The following SCNN1B variants were observed in gnomAD, a reference collection of about 807,000 sequenced individuals.
SCNN1B encodes the protein sodium channel epithelial 1 subunit beta.
A neutral mutation model predicts 65.3 loss-of-function variants in SCNN1B; 46 were observed. That is an observed-to-expected ratio of 0.70 (90% CI 0.56 to 0.90). The LOEUF is 0.90. Among genes scored for constraint, SCNN1B ranks in the 40% least tolerant of loss-of-function variants. The pLI, the probability that SCNN1B is intolerant of heterozygous loss-of-function variation, is 0.00. For missense variants in SCNN1B, 751 were observed against 830.5 expected (o/e 0.90, Z 1.18); for synonymous variants, 349 against 330.6 (o/e 1.06, Z -0.60).
chr16:23,365,577 A>AAG (rs1403211879), intron 4 of SCNN1B, among the ~76,000 whole-genome samples: 1 of 85,910 alleles, frequency 1.2e-5, no homozygotes, highest in Admixed American at 1.1e-4. Flanking sequence ...GAAAGAAAGA[A>AAG]AGAAAGAAAG....
Position 23,361,953 on chromosome 16 carries a change from T to C in SCNN1B, c.777-5903T>C, listed in dbSNP as rs1962562076. Among the ~76,000 whole-genome samples, 5 of 152,220 alleles carry C rather than the reference T, an allele frequency of 3.3e-5. No homozygotes were observed. The South Asian group carries it at 1.0e-3, about 32-fold the overall frequency. On this transcript the variant is annotated intron_variant, in intron 4 of 12. Transcript: ENST00000343070. ...GGTCTCAAACTCCTGGCTCAAGCAATCTTCCCACTTCAGCCCCCTAAAGTG... is the reference window on the plus strand; with the variant it reads ...GGTCTCAAACTCCTGGCTCAAGCAACCTTCCCACTTCAGCCCCCTAAAGTG...
intron 3 of SCNN1B, among the ~76,000 whole-genome samples, chr16:23,354,449 G>C (rs533645999): frequency 6.6e-6 from 1 of 152,238 alleles, no homozygotes; most frequent in Non-Finnish European, 1.5e-5. Context: ...CAGCAGCCTC[G>C]TGGCCAAGGC....
In SCNN1B at chr16:23,355,161, C is replaced by T. The variant is rs1962391670; in HGVS notation, c.586-138C>T. The T allele has an allele frequency of 8.8e-6, 7 of 795,316 alleles. 1 individual carries two copies. Among genetic ancestry groups the T allele is most frequent in the South Asian group, 8.6e-5 (6 of 69,480 alleles). 49.3% of individuals were successfully genotyped at this position (795,316 alleles called of 1,614,324 possible). ...GAGCATGTGTGAGCATGAGTGTGAACGTTTCCCACCACCAAGTTGCAGCCA... is the reference window on the plus strand; with the variant it reads ...GAGCATGTGTGAGCATGAGTGTGAATGTTTCCCACCACCAAGTTGCAGCCA... On this transcript the variant is annotated intron_variant, in intron 3 of 12. Transcript: ENST00000343070.
At chr16:23,323,049 C>T (rs1247635867) in intron 1 of SCNN1B, among the ~76,000 whole-genome samples, 1 of 151,652 alleles carries the variant, frequency 6.6e-6, no homozygotes, top group African/African-American at 2.4e-5. Context: ...AAAAAATTAG[C>T]TCGGCATCAC....
chr16:23,343,585 AAG>A (rs1258077831), intron 1 of SCNN1B, among the ~76,000 whole-genome samples: 75 of 29,522 alleles, frequency 2.5e-3, no homozygotes, highest in African/African-American at 8.0e-3. Context: ...GAAAAAGAGA[AAG>A]AAAGAAAGAA....
At chr16:23,292,070 T>G (rs1960932864) in intron 2 of SCNN1B, among the ~76,000 whole-genome samples, 1 of 152,096 alleles carries the variant, frequency 6.6e-6, no homozygotes, top group South Asian at 2.1e-4. Flanking sequence ...GTATCCAGAA[T>G]CTGGGCACCT....
chr16:23,349,654 C>T (rs1312471892), intron 2 of SCNN1B, among the ~76,000 whole-genome samples: 1 of 152,146 alleles, frequency 6.6e-6, no homozygotes, highest in Non-Finnish European at 1.5e-5. Context: ...TTACGGAGCA[C>T]CTACTATGTG....
chr16:23,324,078 G>C (rs563718090), intron 1 of SCNN1B, among the ~76,000 whole-genome samples: 2 of 152,016 alleles, frequency 1.3e-5, no homozygotes, highest in African/African-American at 2.4e-5. Flanking sequence ...TTGCAAATGA[G>C]ACAACTGAGG....
chr16:23,326,424 T>C (rs937443019), intron 1 of SCNN1B, among the ~76,000 whole-genome samples: 9 of 152,146 alleles, frequency 5.9e-5, no homozygotes, highest in African/African-American at 2.2e-4. Context: ...CCTATGCACA[T>C]AGATGCATAT....
intron 4 of SCNN1B, 118 bp downstream of exon 4, chr16:23,355,607 T>C: frequency 2.0e-6 from 2 of 998,180 alleles, no homozygotes; most frequent in Non-Finnish European, 3.1e-6. Context: ...ACCGGCTATC[T>C]GCAGCACAGT....
At chr16:23,289,738 C>T (rs944117309) in intron 2 of SCNN1B, among the ~76,000 whole-genome samples, 5 of 147,536 alleles carry the variant, frequency 3.4e-5, no homozygotes, top group Admixed American at 1.4e-4. Flanking sequence ...TGCAGTGGCA[C>T]GATCTCGGCT....
chr16:23,280,506 A>G (rs1243736540), intron 1 of SCNN1B, among the ~76,000 whole-genome samples: 1 of 152,196 alleles, frequency 6.6e-6, no homozygotes, highest in South Asian at 2.1e-4. Flanking sequence ...GGCGTGAGCC[A>G]CCATGCCTGG....
rs564779313 is a variant in SCNN1B, at chr16:23,359,856, A to T, written c.776+4367A>T. 2.0e-5 allele frequency among the ~76,000 whole-genome samples: 3 copies of T among 152,352 alleles called. No homozygotes were observed. The East Asian group carries it at 5.8e-4, about 29-fold the overall frequency. ...GGGGATTAAATGAGAACATATGCAA[A>T]GTACCTGGTGCAATGCCTGGCACAT... On this transcript the variant is annotated intron_variant, in intron 4 of 12. Coordinates refer to ENST00000343070, the MANE Select transcript of SCNN1B (RefSeq NM_000336.3).
intron 7 of SCNN1B, among the ~76,000 whole-genome samples, chr16:23,375,096 G>A (rs1020823636): frequency 6.6e-6 from 1 of 152,128 alleles, no homozygotes; most frequent in Non-Finnish European, 1.5e-5. Context: ...TGACCTGAAA[G>A]CCCAGTATGT....
intron 1 of SCNN1B, among the ~76,000 whole-genome samples, chr16:23,337,699 G>A (rs1014436755): frequency 2.0e-5 from 3 of 151,578 alleles, no homozygotes; most frequent in Admixed American, 1.3e-4. Context: ...CTTATTTAGT[G>A]CAAATATATA....
intron 1 of SCNN1B, among the ~76,000 whole-genome samples, chr16:23,314,618 G>C (rs1961412066): frequency 6.6e-6 from 1 of 152,108 alleles, no homozygotes; most frequent in Admixed American, 6.5e-5. Context: ...GTGTGGAGGA[G>C]GAGGGGAATT....
chr16:23,302,926 A>T lies in SCNN1B; in HGVS notation c.-9+489A>T, dbSNP rs72652281. On this transcript the variant is annotated intron_variant, in intron 1 of 12. Coordinates refer to ENST00000343070, the MANE Select transcript of SCNN1B (RefSeq NM_000336.3). The stretch of plus-strand genomic sequence containing the variant: ...CAAACTGAGGGTCAGAGGGTGGGGA[A>T]GCTTCCCTACGTCCCAGGAACAAGT... Among the ~76,000 whole-genome samples, 3,984 of 152,174 alleles carry T rather than the reference A, an allele frequency of 0.026. 62 individuals are homozygous for T. The highest frequency in any genetic ancestry group is 0.035 in the Non-Finnish European group (2,400 of 67,994).
At chr16:23,322,386 G>A (rs1027006958) in intron 1 of SCNN1B, among the ~76,000 whole-genome samples, 1 of 151,984 alleles carries the variant, frequency 6.6e-6, no homozygotes, top group Non-Finnish European at 1.5e-5. Flanking sequence ...CTGCAGCCTC[G>A]ACCTCCCGGG....
chr16:23,371,770 A>T lies in SCNN1B; in HGVS notation c.1045-6A>T, dbSNP rs376646015. The T allele has an allele frequency of 4.5e-5, 72 of 1,612,432 alleles. No individual in the cohort carries two copies. Among genetic ancestry groups the T allele is most frequent in the Non-Finnish European group, 5.8e-5 (68 of 1,178,556 alleles). ...TGTCCCCCTCAAGCAACCCCTCTAA[A>T]CACAGGACAAGCTTCAGCGCATGGG... On this transcript the variant is annotated splice_region_variant and splice_polypyrimidine_tract_variant and intron_variant, in intron 6 of 12. Coordinates refer to ENST00000343070, the MANE Select transcript of SCNN1B (RefSeq NM_000336.3).
Sources: allele counts gnomAD v4.1 joint callset (sites outside exome capture counted in the v4.1 genomes callset), GRCh38; gene constraint gnomAD v4.1.1; transcripts MANE v1.5; gene names NCBI Gene and HGNC (gene_info 2026-07-23, HGNC 2026-07-21).